DGLUCY: variants seen among roughly 807,000 people sequenced by gnomAD.
The protein encoded by DGLUCY is D-glutamate cyclase.
DGLUCY carries 58 observed loss-of-function variants against 58.5 expected under a neutral mutation model. The observed-to-expected ratio is 0.99, with a 90% CI of 0.80 to 1.23. DGLUCY has a LOEUF of 1.23. DGLUCY is among the 50% of genes most tolerant of loss of function. The pLI, the probability that DGLUCY is intolerant of heterozygous loss-of-function variation, is 0.00. For synonymous variants in DGLUCY, 325 were observed against 314.1 expected (o/e 1.03, Z -0.37); for missense variants, 779 against 784.7 (o/e 0.99, Z 0.09).
At chr14:91,088,303 C>T (rs762591441) in intron 1 of DGLUCY, among the ~76,000 whole-genome samples, 24 of 152,066 alleles carry the variant, frequency 1.6e-4, no homozygotes, top group Non-Finnish European at 3.2e-4. Context: ...GCTTCACCTC[C>T]CTGGGGGTTA....
At chr14:91,143,627 T>C (rs2046858959) in intron 1 of DGLUCY, among the ~76,000 whole-genome samples, 1 of 152,328 alleles carries the variant, frequency 6.6e-6, no homozygotes, top group Middle Eastern at 3.4e-3. Flanking sequence ...CAATGTTTTC[T>C]TGAACCTCTA....
chr14:91,075,801 G>A (rs1361856447), intron 1 of DGLUCY, among the ~76,000 whole-genome samples: 1 of 152,196 alleles, frequency 6.6e-6, no homozygotes, highest in African/African-American at 2.4e-5. Context: ...CTGTGTGCCA[G>A]TGCTACAGAG....
In DGLUCY at chr14:91,143,088, GT is replaced by G. The variant is rs1250757452; in HGVS notation, c.-81-14547del. ...GTTTTGGCAGTTCTTTTTTTGTTTTGTTTTGTTTTTGTTTTTGTTTTTTTTG... is the reference window on the plus strand; with the variant it reads ...GTTTTGGCAGTTCTTTTTTTGTTTTGTTTGTTTTTGTTTTTGTTTTTTTTG... On this transcript the variant is annotated intron_variant, in intron 1 of 13. Coordinates refer to ENST00000256324, the MANE Select transcript of DGLUCY (RefSeq NM_001102368.3). Among the ~76,000 whole-genome samples the G allele has an allele frequency of 2.6e-4, 37 of 143,928 alleles. 1 individual carries two copies. In the South Asian group the frequency reaches 8.0e-3, roughly 31 times the overall value. The allele number at this position is 143,928 out of a possible 152,430, so 94.4% of individuals were successfully genotyped here. A position where few individuals can be genotyped will look rare whatever the true frequency, so the allele number is the denominator to read the frequency against.
chr14:91,092,667 A>G (rs1352104519), intron 1 of DGLUCY, among the ~76,000 whole-genome samples: 1 of 152,198 alleles, frequency 6.6e-6, no homozygotes, highest in African/African-American at 2.4e-5. Flanking sequence ...GTAACGGTAT[A>G]ATAGAGATCT....
chr14:91,068,079 G>GCGCGCACACACA lies in DGLUCY; in HGVS notation c.-82+7376_-82+7377insGCGCACACACAC, dbSNP rs375738080. ...CGCGTGCACACACACACACGCGCAC[G>GCGCGCACACACA]CACACACACACACACACACACACAC... On this transcript the variant is annotated intron_variant, in intron 1 of 4. Coordinates refer to the DGLUCY transcript ENST00000521334. 1.4e-3 allele frequency among the ~76,000 whole-genome samples: 203 copies of GCGCGCACACACA among 146,436 alleles called. 1 individual carries two copies. The highest frequency in any genetic ancestry group is 3.8e-3 in the East Asian group (19 of 4,942).
chr14:91,181,672 C>CT (rs1332359380), intron 8 of DGLUCY, among the ~76,000 whole-genome samples: 5 of 134,580 alleles, frequency 3.7e-5, no homozygotes, highest in African/African-American at 5.5e-5. Context: ...TCTTTTCTTT[C>CT]TTTTTTTTCT....
At chr14:91,167,198 AT>A (rs1420695391) in intron 3 of DGLUCY, 26 bp from the exon 4 acceptor site, 2 of 1,560,212 alleles carry the variant, frequency 1.3e-6, no homozygotes, top group Admixed American at 4.4e-5. Context: ...CTGACTATAC[AT>A]TTTTCCCTTC....
chr14:91,105,192 G>A (rs779900838), upstream of DGLUCY, among the ~76,000 whole-genome samples: 2 of 152,060 alleles, frequency 1.3e-5, no homozygotes, highest in African/African-American at 4.8e-5. Context: ...GTGCATGCCT[G>A]TAATCCCCAC....
At chr14:91,092,919 A>G (rs1182777697) in intron 1 of DGLUCY, among the ~76,000 whole-genome samples, 1 of 152,088 alleles carries the variant, frequency 6.6e-6, no homozygotes, top group Non-Finnish European at 1.5e-5. Flanking sequence ...CCCTGTCTCT[A>G]CTAAAAATAC....
intron 1 of DGLUCY, among the ~76,000 whole-genome samples, chr14:91,142,932 A>T (rs1158028416): frequency 6.9e-6 from 1 of 144,760 alleles, no homozygotes; most frequent in Admixed American, 7.1e-5. Flanking sequence ...CAGGAGGCTG[A>T]TGCAGGAGAA....
At chr14:91,068,871 G>A (rs1201698560) in intron 1 of DGLUCY, among the ~76,000 whole-genome samples, 1 of 152,176 alleles carries the variant, frequency 6.6e-6, no homozygotes, top group Non-Finnish European at 1.5e-5. Flanking sequence ...TACTAAAATT[G>A]ATGAAATGCT....
At chr14:91,143,003 C>T (rs2046805891) in intron 1 of DGLUCY, among the ~76,000 whole-genome samples, 1 of 136,782 alleles carries the variant, frequency 7.3e-6, no homozygotes, top group Non-Finnish European at 1.5e-5. Context: ...GCACTCCAGC[C>T]TGGGTGACAC....
At chr14:91,189,968 C>CTTTT (rs2049769230) in intron 9 of DGLUCY, among the ~76,000 whole-genome samples, 1 of 139,998 alleles carries the variant, frequency 7.1e-6, no homozygotes, top group South Asian at 2.3e-4. Context: ...GCCAGGCACT[C>CTTTT]TGTTAGGTTC....
intron 12 of DGLUCY, among the ~76,000 whole-genome samples, chr14:91,209,745 C>A (rs1355904676): frequency 6.6e-6 from 1 of 151,976 alleles, no homozygotes; most frequent in East Asian, 1.9e-4. Context: ...AAGCAAAAAA[C>A]AAACCAAGAT....
At chr14:91,208,514 C>T (rs756029457) in intron 12 of DGLUCY, among the ~76,000 whole-genome samples, 12 of 152,016 alleles carry the variant, frequency 7.9e-5, no homozygotes, top group East Asian at 1.9e-4. Context: ...TTTGGGAGGC[C>T]GAGGCGGGCA....
At chr14:91,168,497 T>C (rs2140387522) in intron 4 of DGLUCY, among the ~76,000 whole-genome samples, 1 of 152,238 alleles carries the variant, frequency 6.6e-6, no homozygotes, top group Non-Finnish European at 1.5e-5. Context: ...CCCATGATTG[T>C]ACCTTTACAT....
intron 1 of DGLUCY, among the ~76,000 whole-genome samples, chr14:91,150,874 T>C (rs1463280809): frequency 6.6e-6 from 1 of 152,244 alleles, no homozygotes; most frequent in African/African-American, 2.4e-5. Flanking sequence ...ATTCACATTG[T>C]TGTGCAACCA....
Position 91,153,851 on chromosome 14 carries a change from C to T in DGLUCY, c.-81-3788C>T, listed in dbSNP as rs116264079. On this transcript the variant is annotated intron_variant, in intron 1 of 13. Coordinates refer to ENST00000256324, the MANE Select transcript of DGLUCY (RefSeq NM_001102368.3). ...TACAGCGTTAACATACAGCCTCAGG[C>T]GGTCCTGAGGACATGCACCCAAGGT... Among the ~76,000 whole-genome samples, 981 of 152,266 alleles carry T rather than the reference C, an allele frequency of 6.4e-3. 11 individuals are homozygous for T. The highest frequency in any genetic ancestry group is 0.023 in the African/African-American group (943 of 41,556).
At chr14:91,216,992 T>C (rs1040451923) in intron 13 of DGLUCY, among the ~76,000 whole-genome samples, 18 of 152,212 alleles carry the variant, frequency 1.2e-4, no homozygotes, top group African/African-American at 2.4e-4. Flanking sequence ...TCAATTTCCA[T>C]GGCCCTCTTA....
Sources: allele counts gnomAD v4.1 joint callset (sites outside exome capture counted in the v4.1 genomes callset), GRCh38; gene constraint gnomAD v4.1.1; transcripts MANE v1.5; gene names NCBI Gene and HGNC (gene_info 2026-07-23, HGNC 2026-07-21).